The following BABAM2 variants were observed in gnomAD, a reference collection of about 807,000 sequenced individuals.
The protein encoded by BABAM2 is BRISC and BRCA1 A complex member 2, also known as BRISC and BRCA1-A complex member 2.
A neutral mutation model predicts 54.7 loss-of-function variants in BABAM2; 31 were observed. The ratio of observed to expected loss-of-function variants is 0.57; its 90% CI spans 0.43 to 0.77. The LOEUF is 0.77. Ranked by LOEUF, BABAM2 falls within the 30% of genes least tolerant of loss-of-function variation. BABAM2 has a pLI of 0.00. For synonymous variants in BABAM2, 167 were observed against 162.9 expected (o/e 1.03, Z -0.19); for missense variants, 364 against 455.8 (o/e 0.80, Z 1.83).
chr2:28,172,009 G>A (rs768658133), intron 7 of BABAM2, among the ~76,000 whole-genome samples: 27 of 152,142 alleles, frequency 1.8e-4, no homozygotes, highest in Non-Finnish European at 3.1e-4. Flanking sequence ...AAAGGGAATG[G>A]AAGCCAAAGG....
intron 3 of BABAM2, among the ~76,000 whole-genome samples, chr2:27,983,010 G>T (rs1236395560): frequency 1.3e-5 from 2 of 151,832 alleles, no homozygotes; most frequent in Non-Finnish European, 2.9e-5. Flanking sequence ...TCTCCTTTTA[G>T]CTACTTAGGG....
chr2:28,052,328 C>A (rs1466438669), intron 6 of BABAM2, among the ~76,000 whole-genome samples: 2 of 150,292 alleles, frequency 1.3e-5, no homozygotes, highest in African/African-American at 4.9e-5. Flanking sequence ...TGCTCTGTCA[C>A]CCAGGCTGGA....
intron 7 of BABAM2, chr2:28,233,374 A>G: frequency 2.4e-6 from 1 of 421,774 alleles, no homozygotes; most frequent in Non-Finnish European, 4.8e-6. Flanking sequence ...CCTGTTGTAC[A>G]TGCTCAGCCC....
intron 3 of BABAM2, among the ~76,000 whole-genome samples, chr2:27,936,804 A>G (rs923470420): frequency 1.7e-4 from 25 of 150,934 alleles, no homozygotes; most frequent in African/African-American, 4.4e-4. Context: ...GTTGTGGGGT[A>G]GGGGCAGGGG....
chr2:28,004,644 A>T (rs1673823314), intron 4 of BABAM2, among the ~76,000 whole-genome samples: 2 of 152,020 alleles, frequency 1.3e-5, no homozygotes, highest in Non-Finnish European at 2.9e-5. Flanking sequence ...TTGCACAAAC[A>T]CTAATTGACA....
chr2:28,211,030 A>G (rs1018063451), intron 7 of BABAM2, among the ~76,000 whole-genome samples: 1 of 152,210 alleles, frequency 6.6e-6, no homozygotes, highest in Non-Finnish European at 1.5e-5. Flanking sequence ...TGTAATCTAT[A>G]TGATTTGGTT....
At chr2:28,267,325 C>G (rs916328186) in intron 10 of BABAM2, among the ~76,000 whole-genome samples, 9 of 152,064 alleles carry the variant, frequency 5.9e-5, no homozygotes, top group African/African-American at 2.2e-4. Flanking sequence ...AGGAGGATCC[C>G]TCCTGGTGCT....
chr2:28,257,832 C>G (rs1162804136), intron 10 of BABAM2, among the ~76,000 whole-genome samples: 1 of 152,112 alleles, frequency 6.6e-6, no homozygotes, highest in African/African-American at 2.4e-5. Flanking sequence ...CTGCAGTAAG[C>G]CATGTTCATA....
intron 2 of BABAM2, among the ~76,000 whole-genome samples, chr2:27,899,585 G>A (rs1028995751): frequency 6.6e-6 from 1 of 151,632 alleles, no homozygotes; most frequent in African/African-American, 2.4e-5. Context: ...CGATTCTACT[G>A]CCTCAGCCTC....
At chr2:28,044,450 C>T (rs946487189) in intron 5 of BABAM2, among the ~76,000 whole-genome samples, 6 of 152,088 alleles carry the variant, frequency 3.9e-5, no homozygotes, top group African/African-American at 1.2e-4. Flanking sequence ...AGGCTGGTCT[C>T]GATGTCCTGA....
chr2:28,305,460 A>G (rs536990128), intron 11 of BABAM2, among the ~76,000 whole-genome samples: 12 of 152,276 alleles, frequency 7.9e-5, no homozygotes, highest in African/African-American at 2.9e-4. Context: ...AGATTTTTAC[A>G]TCTACATTTA....
chr2:28,020,383 T>A (rs1175669733), intron 4 of BABAM2, among the ~76,000 whole-genome samples: 1 of 152,202 alleles, frequency 6.6e-6, no homozygotes, highest in East Asian at 1.9e-4. Context: ...GTCTTATATA[T>A]GCATACATAC....
intron 7 of BABAM2, among the ~76,000 whole-genome samples, chr2:28,199,216 C>G (rs1299510685): frequency 2.6e-5 from 4 of 152,218 alleles, no homozygotes; most frequent in African/African-American, 9.6e-5. Flanking sequence ...AGCAAGGTGG[C>G]GTGTGTGACA....
chr2:28,116,014 C>G (rs866782043), intron 6 of BABAM2, among the ~76,000 whole-genome samples: 3 of 151,804 alleles, frequency 2.0e-5, no homozygotes, highest in Admixed American at 6.6e-5. Context: ...ACTCGGGAGG[C>G]TGAGGCAGGA....
intron 3 of BABAM2, among the ~76,000 whole-genome samples, chr2:27,982,844 T>TGC (rs1553405521): frequency 1.6e-5 from 2 of 127,164 alleles, no homozygotes; most frequent in African/African-American, 3.3e-5. Context: ...TCATTATGTG[T>TGC]ACACACACAC....
At chr2:28,179,085 C>T (rs1675337801) in intron 7 of BABAM2, among the ~76,000 whole-genome samples, 1 of 151,972 alleles carries the variant, frequency 6.6e-6, no homozygotes, top group Admixed American at 6.6e-5. Context: ...ATTACTTCTT[C>T]TCAAACTATT....
chr2:28,305,002 C>T (rs561613146), intron 11 of BABAM2, among the ~76,000 whole-genome samples: 52 of 152,314 alleles, frequency 3.4e-4, no homozygotes, highest in Admixed American at 1.6e-3. Flanking sequence ...TAAACAGTCA[C>T]GCCTTATGCT....
chr2:27,925,560 C>T (rs1005468675), intron 2 of BABAM2, among the ~76,000 whole-genome samples: 1 of 152,166 alleles, frequency 6.6e-6, no homozygotes, highest in Non-Finnish European at 1.5e-5. Context: ...GACTCATCCA[C>T]ATTGCTCCCA....
Position 28,061,041 on chromosome 2 carries a change from C to A in BABAM2, c.570+15242C>A, listed in dbSNP as rs1573497542. 1.3e-5 allele frequency among the ~76,000 whole-genome samples: 2 copies of A among 152,104 alleles called. 1 individual carries two copies. Among genetic ancestry groups the A allele is most frequent in the East Asian group, 3.9e-4 (2 of 5,166 alleles). ...CCTAAACAATTTTGAAAAAGAAGAA[C>A]AAAATTGGAGGACTCACATTCCCTG... On this transcript the variant is annotated intron_variant, in intron 6 of 11. Coordinates refer to ENST00000379624, the MANE Select transcript of BABAM2 (RefSeq NM_199191.3).
Sources: gnomAD v4.1 joint callset for allele counts (sites outside exome capture counted in the v4.1 genomes callset) on GRCh38, gnomAD v4.1.1 for gene constraint, MANE v1.5 for transcripts, NCBI Gene and HGNC (gene_info 2026-07-23, HGNC 2026-07-21) for gene names.